LIN28B: variants seen among roughly 807,000 people sequenced by gnomAD.
LIN28B encodes lin-28 RNA binding posttranscriptional regulator B, also known as protein lin-28 homolog B.
LIN28B carries 5 observed loss-of-function variants against 21.9 expected under a neutral mutation model. The ratio of observed to expected loss-of-function variants is 0.23; its 90% CI spans 0.12 to 0.48. The LOEUF (loss-of-function observed/expected upper bound fraction) is 0.48. Ranked by LOEUF, LIN28B falls within the 20% of genes least tolerant of loss-of-function variation. The probability of loss-of-function intolerance (pLI) is 0.98; values close to 1 mark genes in which losing one functional copy is unlikely to be tolerated. For missense variants in LIN28B, 245 were observed against 310.5 expected, an observed-to-expected ratio of 0.79 and a Z score of 1.58; for synonymous variants, 109 against 111.3, an observed-to-expected ratio of 0.98 and a Z score of 0.13.
intron 2 of LIN28B, among the ~76,000 whole-genome samples, chr6:104,991,730 A>C (rs1372798763): frequency 6.6e-6 from 1 of 152,198 alleles, no homozygotes; most frequent in Non-Finnish European, 1.5e-5. Context: ...AACATTGAGC[A>C]CTGAGTGAAC....
intron 2 of LIN28B, among the ~76,000 whole-genome samples, chr6:104,993,795 A>G (rs1308402986): frequency 1.3e-5 from 2 of 149,598 alleles, no homozygotes; most frequent in Non-Finnish European, 3.0e-5. Context: ...AGATTGAGTC[A>G]CTGCACTTCC....
At chr6:105,064,590 G>T (rs1772185488) in intron 3 of LIN28B, among the ~76,000 whole-genome samples, 1 of 152,084 alleles carries the variant, frequency 6.6e-6, no homozygotes, top group African/African-American at 2.4e-5. Context: ...CACATAAAGA[G>T]AACTTTACAT....
chr6:104,947,595 T>G (rs1778170930), intron 2 of LIN28B, among the ~76,000 whole-genome samples: 1 of 152,026 alleles, frequency 6.6e-6, no homozygotes, highest in Admixed American at 6.6e-5. Flanking sequence ...ATGGATACTC[T>G]TTATAAGTTA....
chr6:104,997,380 A>G (rs2114283017), intron 2 of LIN28B, among the ~76,000 whole-genome samples: 1 of 152,096 alleles, frequency 6.6e-6, no homozygotes, highest in African/African-American at 2.4e-5. Context: ...ATATATAAAT[A>G]TTGTGATTTA....
intron 2 of LIN28B, among the ~76,000 whole-genome samples, chr6:104,998,685 T>A (rs943725863): frequency 6.6e-6 from 1 of 152,180 alleles, no homozygotes; most frequent in Non-Finnish European, 1.5e-5. Flanking sequence ...TTTATAAAAG[T>A]AATGATGGCC....
At chr6:104,997,575 A>G (rs1770638690) in intron 2 of LIN28B, among the ~76,000 whole-genome samples, 1 of 146,382 alleles carries the variant, frequency 6.8e-6, no homozygotes, top group South Asian at 2.2e-4. Context: ...CGTTATTTCT[A>G]TGAGATAGCC....
At chr6:105,064,548 A>G (rs973401986) in intron 3 of LIN28B, among the ~76,000 whole-genome samples, 1 of 152,234 alleles carries the variant, frequency 6.6e-6, no homozygotes, top group Non-Finnish European at 1.5e-5. Flanking sequence ...TCCCCCGCAC[A>G]TATATTGCAT....
rs1456901651 is a variant in LIN28B, at chr6:105,082,320, T to A, written c.*3537T>A. On this transcript the variant is annotated 3_prime_UTR_variant, in exon 4 of 4. Coordinates refer to ENST00000345080, the MANE Select transcript of LIN28B (RefSeq NM_001004317.4). ...TTTTTTTATTCTGGCTCAGTTTTAT[T>A]TTGCACCAGTGCGGCCCCAAGTTAC... 2 of 152,626 alleles carry A rather than the reference T, an allele frequency of 1.3e-5. No individual in the cohort carries two copies. The highest frequency in any genetic ancestry group is 2.9e-5 in the Non-Finnish European group (2 of 68,038). 9.5% of individuals were successfully genotyped at this position (152,626 alleles called of 1,614,324 possible).
At chr6:105,063,902 T>A (rs1772174762) in intron 3 of LIN28B, among the ~76,000 whole-genome samples, 2 of 149,426 alleles carry the variant, frequency 1.3e-5, no homozygotes, top group Non-Finnish European at 3.0e-5. Context: ...ATAGTTATAA[T>A]AATTATTATA....
chr6:105,001,235 A>G (rs1770713032), intron 2 of LIN28B, among the ~76,000 whole-genome samples: 3 of 152,196 alleles, frequency 2.0e-5, no homozygotes, highest in Non-Finnish European at 2.9e-5. Context: ...TGACTACCAC[A>G]ATTATGTGGG....
chr6:104,970,514 C>T (rs1224643088), intron 2 of LIN28B, among the ~76,000 whole-genome samples: 1 of 152,092 alleles, frequency 6.6e-6, no homozygotes, highest in Non-Finnish European at 1.5e-5. Flanking sequence ...CTTTACCTTA[C>T]ATTACATCCA....
intron 2 of LIN28B, among the ~76,000 whole-genome samples, chr6:105,009,746 C>A (rs1770884881): frequency 6.6e-6 from 1 of 152,136 alleles, no homozygotes; most frequent in African/African-American, 2.4e-5. Context: ...AAAAGGAAAG[C>A]AGGGTCTCTA....
chr6:104,942,749 G>A (rs1408146430), intron 2 of LIN28B, among the ~76,000 whole-genome samples: 1 of 152,068 alleles, frequency 6.6e-6, no homozygotes, highest in Non-Finnish European at 1.5e-5. Context: ...ACTGACACAA[G>A]GCCTCTTCTA....
chr6:104,980,381 C>A (rs1770193971), intron 2 of LIN28B, among the ~76,000 whole-genome samples: 1 of 152,062 alleles, frequency 6.6e-6, no homozygotes, highest in Non-Finnish European at 1.5e-5. Flanking sequence ...ATTTTGGTAG[C>A]AAAAATGATG....
At chr6:105,025,807 CTT>C (rs530956563) in intron 2 of LIN28B, among the ~76,000 whole-genome samples, 6 of 145,444 alleles carry the variant, frequency 4.1e-5, no homozygotes, top group African/African-American at 1.0e-4. Flanking sequence ...TTCTTTAACT[CTT>C]TTTTTTTTTA....
At chr6:104,966,297 G>A (rs542642767) in intron 2 of LIN28B, among the ~76,000 whole-genome samples, 1 of 152,164 alleles carries the variant, frequency 6.6e-6, no homozygotes, top group East Asian at 1.9e-4. Context: ...GGTAAAATGT[G>A]ATAAATAATA....
At chr6:104,965,383 G>A (rs1446379117) in intron 2 of LIN28B, among the ~76,000 whole-genome samples, 1 of 152,136 alleles carries the variant, frequency 6.6e-6, no homozygotes, top group Non-Finnish European at 1.5e-5. Context: ...AGCTAGGCCT[G>A]ATGGCATGCA....
intron 2 of LIN28B, among the ~76,000 whole-genome samples, chr6:104,959,084 A>G (rs1769656335): frequency 1.3e-5 from 2 of 152,156 alleles, no homozygotes; most frequent in South Asian, 4.1e-4. Context: ...ACAGAATTTC[A>G]TTGCTTCCCA....
intron 2 of LIN28B, among the ~76,000 whole-genome samples, 190 bp from the exon 3 acceptor site, chr6:105,026,108 T>A (rs955408572): frequency 9.2e-5 from 14 of 152,218 alleles, no homozygotes; most frequent in Admixed American, 7.9e-4. Flanking sequence ...GCCTTAAAAA[T>A]TTTTTTCTCC....
Sources: gnomAD v4.1 joint callset for allele counts (sites outside exome capture counted in the v4.1 genomes callset) on GRCh38, gnomAD v4.1.1 for gene constraint, MANE v1.5 for transcripts, NCBI Gene and HGNC (gene_info 2026-07-23, HGNC 2026-07-21) for gene names.